FILIP1: variants seen among roughly 807,000 people sequenced by gnomAD.
The protein encoded by FILIP1 is filamin-A-interacting protein 1.
In FILIP1, 61 loss-of-function variants were observed where a neutral mutation model predicts 102.1. The observed-to-expected ratio is 0.60, with a 90% CI of 0.49 to 0.74. FILIP1 has a LOEUF of 0.74. Among genes scored for constraint, FILIP1 ranks in the 30% least tolerant of loss-of-function variants. The probability of loss-of-function intolerance (pLI) is 0.00; values close to 1 mark genes in which losing one functional copy is unlikely to be tolerated. For synonymous variants in FILIP1, 491 were observed against 526.9 expected, an observed-to-expected ratio of 0.93 and a Z score of 0.93; for missense variants, 1,314 against 1,441.2, an observed-to-expected ratio of 0.91 and a Z score of 1.43.
At chr6:75,489,403 A>G (rs955909925) in intron 1 of FILIP1, among the ~76,000 whole-genome samples, 3 of 152,106 alleles carry the variant, frequency 2.0e-5, no homozygotes, top group African/African-American at 7.2e-5. Context: ...TGCCTTTCCT[A>G]TAATCTATGA....
intron 2 of FILIP1, among the ~76,000 whole-genome samples, chr6:75,375,147 C>T (rs1775710511): frequency 1.3e-5 from 2 of 152,230 alleles, no homozygotes; most frequent in Non-Finnish European, 2.9e-5. Flanking sequence ...ATGTAGCCCA[C>T]CCCCATCGGC....
intron 1 of FILIP1, among the ~76,000 whole-genome samples, chr6:75,436,069 G>A (rs894728383): frequency 3.3e-5 from 5 of 152,218 alleles, no homozygotes; most frequent in South Asian, 2.1e-4. Context: ...AGTCATAAGA[G>A]TTGCAGAAGT....
At chr6:75,318,251 T>G in intron 4 of FILIP1, among the ~76,000 whole-genome samples, 1 of 149,158 alleles carries the variant, frequency 6.7e-6, no homozygotes, top group East Asian at 1.9e-4. Flanking sequence ...TTTTTTTTTT[T>G]TAGAGACGAG....
chr6:75,452,763 C>T (rs1310227804), intron 1 of FILIP1, among the ~76,000 whole-genome samples: 1 of 152,122 alleles, frequency 6.6e-6, no homozygotes, highest in Non-Finnish European at 1.5e-5. Flanking sequence ...AACTACTCAG[C>T]AGTTATTTTG....
intron 2 of FILIP1, among the ~76,000 whole-genome samples, chr6:75,387,938 T>C (rs1469800249): frequency 6.6e-6 from 1 of 152,224 alleles, no homozygotes; most frequent in Non-Finnish European, 1.5e-5. Context: ...TTTGGTGTTT[T>C]AGTCATGAAG....
chr6:75,475,702 A>G (rs1447918315), intron 1 of FILIP1, among the ~76,000 whole-genome samples: 1 of 152,162 alleles, frequency 6.6e-6, no homozygotes, highest in Non-Finnish European at 1.5e-5. Flanking sequence ...TCATTCTGTA[A>G]AAACCTACAT....
intron 6 of FILIP1, among the ~76,000 whole-genome samples, chr6:75,299,655 G>T (rs563618783): frequency 1.3e-5 from 2 of 151,704 alleles, no homozygotes; most frequent in African/African-American, 2.4e-5. Context: ...TTACCTTGAC[G>T]TTTTTTTCCT....
At chr6:75,309,814 C>T (rs1179410782) in intron 5 of FILIP1, among the ~76,000 whole-genome samples, 3 of 152,188 alleles carry the variant, frequency 2.0e-5, no homozygotes, top group African/African-American at 7.2e-5. Flanking sequence ...ATGATTCTGT[C>T]TTCACTATAT....
At chr6:75,393,113 C>T (rs1276109267) in intron 2 of FILIP1, among the ~76,000 whole-genome samples, 1 of 152,176 alleles carries the variant, frequency 6.6e-6, no homozygotes, top group African/African-American at 2.4e-5. Context: ...TAGAGGTTCA[C>T]ATTGACTCAG....
rs760657416 is a variant in FILIP1, at chr6:75,313,666, G to A, written c.2166C>T (p.Ala722=). 13 of 1,569,964 alleles carry A rather than the reference G, an allele frequency of 8.3e-6. No homozygotes were observed. The highest frequency in any genetic ancestry group is 8.2e-5 in the African/African-American group (6 of 72,762). ...LEEAKSRDLK[A]EVQALKEKIH... is the part of the protein sequence containing the mutation. ...TCTTCTCTTTAAGAGCTTGTACTTC[G>A]GCTTTTAAGTCTCGACTTTTAGCTT... Residue 722 remains alanine (A), a synonymous_variant, in exon 5 of 6, where the codon GCC becomes GCT. Transcript: ENST00000237172. This position sits in a 1 kb window ranked among gnomAD's most constrained non-coding sequence, Gnocchi z 4.2.
chr6:75,298,997 A>G (rs1422970625), intron 6 of FILIP1, among the ~76,000 whole-genome samples: 1 of 148,624 alleles, frequency 6.7e-6, no homozygotes, highest in Non-Finnish European at 1.5e-5. Context: ...CATGGAGTCC[A>G]TGTTGCCAGC....
Position 75,478,690 on chromosome 6 carries a change from C to T in FILIP1, c.-7+14724G>A, listed in dbSNP as rs116504106. Among the ~76,000 whole-genome samples the T allele has an allele frequency of 6.9e-3, 1,043 of 152,178 alleles. 10 individuals are homozygous for T. Among genetic ancestry groups the T allele is most frequent in the African/African-American group, 0.023 (962 of 41,520 alleles). On this transcript the variant is annotated intron_variant, in intron 1 of 5. Coordinates refer to ENST00000237172, the MANE Select transcript of FILIP1 (RefSeq NM_015687.5). ...TGGCTTGTCTATAAATTCGTATGTC[C>T]GAATTAATAAGCTGTATAACCTTGA...
chr6:75,476,543 T>C (rs1489462400), intron 1 of FILIP1, among the ~76,000 whole-genome samples: 1 of 152,202 alleles, frequency 6.6e-6, no homozygotes, highest in African/African-American at 2.4e-5. Flanking sequence ...TTATGCAGAA[T>C]CTTTTCAGGA....
At chr6:75,484,726 T>G (rs1043649524) in intron 1 of FILIP1, among the ~76,000 whole-genome samples, 1 of 152,166 alleles carries the variant, frequency 6.6e-6, no homozygotes, top group African/African-American at 2.4e-5. Flanking sequence ...TTTCCACTCC[T>G]TTTGGTTTCC....
At chr6:75,404,083 T>C (rs1222109863) in intron 2 of FILIP1, among the ~76,000 whole-genome samples, 1 of 152,068 alleles carries the variant, frequency 6.6e-6, no homozygotes, top group Non-Finnish European at 1.5e-5. Flanking sequence ...GACCCTGTAA[T>C]AGTTAAAGCT....
At chr6:75,492,939 C>T (rs1780006912) in intron 1 of FILIP1, among the ~76,000 whole-genome samples, 1 of 152,184 alleles carries the variant, frequency 6.6e-6, no homozygotes, top group Non-Finnish European at 1.5e-5. Flanking sequence ...AAAGGAGACA[C>T]ATGCAACAGC....
rs375733083 is a variant in FILIP1, at chr6:75,441,642, G to A, written c.-6-26664C>T. On this transcript the variant is annotated intron_variant, in intron 1 of 5. Coordinates refer to ENST00000237172, the MANE Select transcript of FILIP1 (RefSeq NM_015687.5). The stretch of plus-strand genomic sequence containing the variant: ...CCCCGACCTCCCTCCCGGACGGGGC[G>A]GCTGGCCGGGCGGGGGGCTGACGCC... Among the ~76,000 whole-genome samples, 1,280 of 147,284 alleles carry A rather than the reference G, an allele frequency of 8.7e-3. 40 individuals are homozygous for A. In the East Asian group the frequency reaches 0.12, roughly 13 times the overall value.
At chr6:75,408,707 C>G (rs1369691729) in intron 2 of FILIP1, among the ~76,000 whole-genome samples, 3 of 152,180 alleles carry the variant, frequency 2.0e-5, no homozygotes, top group Non-Finnish European at 4.4e-5. Flanking sequence ...CCTCCATCTC[C>G]TCCTTTTCCC....
At chr6:75,344,094 T>C (rs563849027) in intron 4 of FILIP1, among the ~76,000 whole-genome samples, 2 of 152,354 alleles carry the variant, frequency 1.3e-5, no homozygotes, top group South Asian at 4.1e-4. Flanking sequence ...TAGGCATCCA[T>C]TGTAACCCCA....
Sources: allele counts gnomAD v4.1 joint callset (sites outside exome capture counted in the v4.1 genomes callset), GRCh38; gene constraint gnomAD v4.1.1; non-coding constraint Gnocchi (gnomAD v3.1); transcripts MANE v1.5; gene names NCBI Gene and HGNC (gene_info 2026-07-23, HGNC 2026-07-21).